ADAMTSL1: variants seen among roughly 807,000 people sequenced by gnomAD.
The protein encoded by ADAMTSL1 is ADAMTS-like protein 1.
ADAMTSL1 carries 126 observed loss-of-function variants against 201.8 expected under a neutral mutation model. That is an observed-to-expected ratio of 0.62 (90% CI 0.54 to 0.72). The LOEUF (loss-of-function observed/expected upper bound fraction) is 0.72. ADAMTSL1 is among the 30% of genes least tolerant of loss of function. ADAMTSL1 has a pLI of 0.00. For missense variants in ADAMTSL1, 2,679 were observed against 2,277.8 expected, an observed-to-expected ratio of 1.18 and a Z score of -3.59; for synonymous variants, 1,121 against 903.4, an observed-to-expected ratio of 1.24 and a Z score of -4.32.
intron 1 of ADAMTSL1, among the ~76,000 whole-genome samples, chr9:18,048,717 G>A (rs139090795): frequency 9.2e-5 from 14 of 152,306 alleles, no homozygotes; most frequent in African/African-American, 2.6e-4. Flanking sequence ...ACCAGACATC[G>A]TGAGTTGCTT....
chr9:18,324,368 A>T (rs1026604995), intron 2 of ADAMTSL1, among the ~76,000 whole-genome samples: 4 of 152,118 alleles, frequency 2.6e-5, no homozygotes, highest in Admixed American at 6.5e-5. Context: ...GTAATAGCAT[A>T]GGAGAAAATC....
At chr9:18,370,304 G>A (rs1254727151) in intron 2 of ADAMTSL1, among the ~76,000 whole-genome samples, 2 of 151,710 alleles carry the variant, frequency 1.3e-5, no homozygotes, top group African/African-American at 4.8e-5. Flanking sequence ...GAGGCACTGG[G>A]GACTCCAAAG....
Position 18,908,832 on chromosome 9 carries a change from T to C in ADAMTSL1, c.*284T>C. On this transcript the variant is annotated 3_prime_UTR_variant, in exon 29 of 29. Transcript: ENST00000380548. Reference sequence around the variant, plus strand: ...GTGGGGGCTCCCTTGAAGAGCTTCCTCCCTCCCAAACCTGGGTCTCAAAGA... The same window carrying C: ...GTGGGGGCTCCCTTGAAGAGCTTCCCCCCTCCCAAACCTGGGTCTCAAAGA... The C allele has an allele frequency of 3.3e-6, 1 of 302,510 alleles. No individual in the cohort carries two copies. The allele number at this position is 302,510 out of a possible 1,614,324, so 18.7% of individuals were successfully genotyped here.
At chr9:18,429,776 G>A (rs866221588) in intron 2 of ADAMTSL1, among the ~76,000 whole-genome samples, 24 of 151,642 alleles carry the variant, frequency 1.6e-4, no homozygotes, top group African/African-American at 5.6e-4. Context: ...ATAGTAATAC[G>A]TTTTGATTTT....
intron 1 of ADAMTSL1, among the ~76,000 whole-genome samples, chr9:17,987,288 T>C (rs1818967840): frequency 1.3e-5 from 2 of 152,072 alleles, no homozygotes; most frequent in South Asian, 2.1e-4. Flanking sequence ...CCCCAGATGA[T>C]AAGCACCACG....
intron 3 of ADAMTSL1, among the ~76,000 whole-genome samples, chr9:18,550,918 G>A (rs561203618): frequency 1.3e-5 from 2 of 151,956 alleles, no homozygotes; most frequent in South Asian, 4.2e-4. Flanking sequence ...GGAAACACAA[G>A]ATAAGTTTAC....
At chr9:18,865,240 T>C (rs1474333334) in intron 23 of ADAMTSL1, among the ~76,000 whole-genome samples, 1 of 152,028 alleles carries the variant, frequency 6.6e-6, no homozygotes, top group Non-Finnish European at 1.5e-5. Context: ...CCTTCCTGTG[T>C]CCAAGTGTTC....
chr9:17,968,477 G>C (rs986925119), intron 1 of ADAMTSL1, among the ~76,000 whole-genome samples: 1 of 152,134 alleles, frequency 6.6e-6, no homozygotes, highest in African/African-American at 2.4e-5. Context: ...AGGTGAGGCA[G>C]ATGAAATTAT....
At chr9:18,804,855 C>G (rs1021620323) in intron 20 of ADAMTSL1, among the ~76,000 whole-genome samples, 1 of 152,158 alleles carries the variant, frequency 6.6e-6, no homozygotes, top group African/African-American at 2.4e-5. Context: ...TTGATATACT[C>G]ACTCTTTGTA....
At chr9:18,340,579 T>G (rs1835428077) in intron 2 of ADAMTSL1, among the ~76,000 whole-genome samples, 1 of 152,172 alleles carries the variant, frequency 6.6e-6, no homozygotes. Flanking sequence ...TACCCAACTC[T>G]CACCTTTAAT....
chr9:18,631,685 C>T (rs1402264073), intron 5 of ADAMTSL1, among the ~76,000 whole-genome samples: 1 of 151,940 alleles, frequency 6.6e-6, no homozygotes, highest in African/African-American at 2.4e-5. Flanking sequence ...CCACATATGA[C>T]AAGATTTTAA....
intron 2 of ADAMTSL1, among the ~76,000 whole-genome samples, chr9:18,363,607 C>T (rs1836625984): frequency 6.6e-6 from 1 of 152,140 alleles, no homozygotes; most frequent in Non-Finnish European, 1.5e-5. Flanking sequence ...GAACTTGGCA[C>T]ACAATTGTAG....
At chr9:18,397,930 G>A (rs1351042095) in intron 2 of ADAMTSL1, among the ~76,000 whole-genome samples, 2 of 152,074 alleles carry the variant, frequency 1.3e-5, no homozygotes, top group East Asian at 3.8e-4. Flanking sequence ...CATAAAGATG[G>A]AATATTTTAG....
At chr9:18,484,199 T>C (rs2131822623) in intron 1 of ADAMTSL1, among the ~76,000 whole-genome samples, 1 of 152,332 alleles carries the variant, frequency 6.6e-6, no homozygotes, top group East Asian at 1.9e-4. Flanking sequence ...AGATGAGTCC[T>C]TCTACATAGA....
chr9:18,202,904 C>T (rs1434332279), intron 2 of ADAMTSL1, among the ~76,000 whole-genome samples: 1 of 152,082 alleles, frequency 6.6e-6, no homozygotes. Flanking sequence ...CCAGAGTGCT[C>T]TTTCCAGAGC....
chr9:17,951,924 C>T (rs959191192), intron 1 of ADAMTSL1, among the ~76,000 whole-genome samples: 10 of 151,942 alleles, frequency 6.6e-5, no homozygotes, highest in Non-Finnish European at 1.3e-4. Context: ...CCTTAGTCTC[C>T]AGAGTAGCTG....
At chr9:18,408,209 C>G (rs986560757) in intron 2 of ADAMTSL1, among the ~76,000 whole-genome samples, 1 of 152,164 alleles carries the variant, frequency 6.6e-6, no homozygotes, top group Non-Finnish European at 1.5e-5. Flanking sequence ...TGGCTGACAC[C>G]TGCAATCCCA....
intron 1 of ADAMTSL1, among the ~76,000 whole-genome samples, chr9:17,943,201 C>G (rs145675443): frequency 2.6e-5 from 4 of 152,236 alleles, no homozygotes; most frequent in African/African-American, 4.8e-5. Context: ...CTTGGCCTCC[C>G]AAAGTGCTGG....
intron 4 of ADAMTSL1, among the ~76,000 whole-genome samples, chr9:18,594,834 G>A (rs1328653668): frequency 6.6e-6 from 1 of 152,042 alleles, no homozygotes; most frequent in Admixed American, 6.5e-5. Context: ...GTTTGGTGCA[G>A]CCATATTTTC....
Sources: gnomAD v4.1 joint callset for allele counts (sites outside exome capture counted in the v4.1 genomes callset) on GRCh38, gnomAD v4.1.1 for gene constraint, MANE v1.5 for transcripts, NCBI Gene and HGNC (gene_info 2026-07-23, HGNC 2026-07-21) for gene names.